The following PRELID2 variants were observed in gnomAD, a reference collection of about 807,000 sequenced individuals.
PRELID2 encodes PRELI domain containing 2.
Under a neutral mutation model 28.4 loss-of-function variants are expected in PRELID2, and 25 were observed. That is an observed-to-expected ratio of 0.88 (90% CI 0.64 to 1.23). The LOEUF is 1.23. Ranked by LOEUF, PRELID2 falls within the 50% of genes most tolerant of loss-of-function variation. The pLI is 0.00. For synonymous variants in PRELID2, 76 were observed against 71.6 expected (o/e 1.06, Z -0.31); for missense variants, 201 against 214.4 (o/e 0.94, Z 0.39).
the PRELID2 span, among the ~76,000 whole-genome samples, chr5:145,314,558 AT>A: frequency 5.2e-4 from 78 of 151,122 alleles, 1 homozygote; most frequent in South Asian, 4.2e-3. Flanking sequence ...AGGAACTTTT[AT>A]TTTTTTTTCC....
intron 1 of PRELID2, among the ~76,000 whole-genome samples, chr5:145,485,447 A>G (rs763291714): frequency 6.6e-6 from 1 of 152,228 alleles, no homozygotes; most frequent in Non-Finnish European, 1.5e-5. Flanking sequence ...AACTTGAGAT[A>G]ATCTTACCTA....
At chr5:145,422,330 G>T in the PRELID2 span, among the ~76,000 whole-genome samples, 1 of 151,886 alleles carries the variant, frequency 6.6e-6, no homozygotes, top group Admixed American at 6.6e-5. Context: ...GTTGACAGTG[G>T]GGTGTTAAAG....
At chr5:145,543,011 T>A (rs1034148448) in intron 1 of PRELID2, among the ~76,000 whole-genome samples, 1 of 152,072 alleles carries the variant, frequency 6.6e-6, no homozygotes, top group East Asian at 1.9e-4. Flanking sequence ...GTTAGCTTTT[T>A]CTTCCTGCTC....
At chr5:145,564,634 A>G (rs922571436) in intron 1 of PRELID2, among the ~76,000 whole-genome samples, 2 of 152,126 alleles carry the variant, frequency 1.3e-5, no homozygotes, top group Non-Finnish European at 1.5e-5. Flanking sequence ...CATTATTTAC[A>G]TGTTTGTTTT....
chr5:145,375,404 T>C, the PRELID2 span, among the ~76,000 whole-genome samples: 1 of 152,136 alleles, frequency 6.6e-6, no homozygotes, highest in Non-Finnish European at 1.5e-5. Context: ...AGTAGAATCA[T>C]TCCTGTATAG....
the PRELID2 span, among the ~76,000 whole-genome samples, chr5:145,393,709 C>T: frequency 6.6e-6 from 1 of 152,166 alleles, no homozygotes; most frequent in African/African-American, 2.4e-5. Flanking sequence ...ATATAACAAA[C>T]TATTTACACA....
At chr5:145,239,415 G>A in the PRELID2 span, among the ~76,000 whole-genome samples, 5 of 152,090 alleles carry the variant, frequency 3.3e-5, no homozygotes, top group African/African-American at 1.2e-4. Context: ...GACAATTACA[G>A]CACAGTATTC....
rs191966940 is a variant in PRELID2, at chr5:145,777,820, A to G, written c.475-12820T>C. Among the ~76,000 whole-genome samples, 91 of 152,268 alleles carry G rather than the reference A, an allele frequency of 6.0e-4. No homozygotes were observed. In the East Asian group the frequency reaches 0.016, roughly 26 times the overall value. On this transcript the variant is annotated intron_variant, in intron 5 of 6. Transcript: ENST00000683046. ...AGGCTTCCCTACACTCTTGGGGGCC[A>G]GGGGGTGGGAAGGGCCCCTGTGCAC...
chr5:145,377,549 T>C, the PRELID2 span, among the ~76,000 whole-genome samples: 1 of 152,222 alleles, frequency 6.6e-6, no homozygotes, highest in Non-Finnish European at 1.5e-5. Flanking sequence ...TGGTTGCTCC[T>C]GTGTTGGTTG....
At chr5:145,782,281 G>A (rs1191001989) in intron 5 of PRELID2, among the ~76,000 whole-genome samples, 1 of 152,208 alleles carries the variant, frequency 6.6e-6, no homozygotes. Context: ...GTGAATGGCG[G>A]TTGAGAGGAT....
the PRELID2 span, among the ~76,000 whole-genome samples, chr5:145,437,683 G>T: frequency 6.6e-6 from 1 of 152,114 alleles, no homozygotes; most frequent in Non-Finnish European, 1.5e-5. Flanking sequence ...AGAAAAATCT[G>T]GGAGGCCTGA....
At chr5:145,289,674 A>G in the PRELID2 span, among the ~76,000 whole-genome samples, 17 of 152,324 alleles carry the variant, frequency 1.1e-4, no homozygotes, top group Admixed American at 5.9e-4. Context: ...GAAATTGCCA[A>G]ATAGTGTTCT....
At chr5:145,520,149 C>T (rs897795789) in intron 1 of PRELID2, among the ~76,000 whole-genome samples, 4 of 152,076 alleles carry the variant, frequency 2.6e-5, no homozygotes, top group Non-Finnish European at 5.9e-5. Flanking sequence ...AACATTTTCC[C>T]GCTAAACCAA....
At chr5:145,797,779 T>C (rs1244547223) in intron 4 of PRELID2, among the ~76,000 whole-genome samples, 2 of 151,968 alleles carry the variant, frequency 1.3e-5, no homozygotes, top group South Asian at 2.1e-4. Context: ...GCTGTTTTTT[T>C]ATATACCCAA....
At chr5:145,229,051 G>A in the PRELID2 span, 3 of 1,596,672 alleles carry the variant, frequency 1.9e-6, no homozygotes, top group Admixed American at 5.0e-5. Flanking sequence ...ATCCAGTCCA[G>A]CGCACTGTAT....
chr5:145,643,938 C>T (rs1365304699), intron 1 of PRELID2, among the ~76,000 whole-genome samples: 1 of 152,062 alleles, frequency 6.6e-6, no homozygotes, highest in South Asian at 2.1e-4. Context: ...AGGATTTTTG[C>T]ATCTATATTC....
chr5:145,510,810 C>T (rs1453465363), intron 1 of PRELID2, among the ~76,000 whole-genome samples: 1 of 152,230 alleles, frequency 6.6e-6, no homozygotes, highest in African/African-American at 2.4e-5. Flanking sequence ...ATCTAATCTT[C>T]AGCCTGAGGT....
At chr5:145,825,225 CAAAAAAAAAAAAAAA>C (rs56818178) in intron 1 of PRELID2, among the ~76,000 whole-genome samples, 66 of 60,434 alleles carry the variant, frequency 1.1e-3, no homozygotes, top group Middle Eastern at 0.023. Flanking sequence ...GACTCTGTCT[CAAAAAAAAAAAAAAA>C]AAAAAAAAAA....
At chr5:145,564,463 G>A (rs1468196935) in intron 1 of PRELID2, among the ~76,000 whole-genome samples, 1 of 152,100 alleles carries the variant, frequency 6.6e-6, no homozygotes, top group Non-Finnish European at 1.5e-5. Flanking sequence ...TAGGATGCTT[G>A]TCCTGAACTC....
Sources: allele counts gnomAD v4.1 joint callset (sites outside exome capture counted in the v4.1 genomes callset), GRCh38; gene constraint gnomAD v4.1.1; transcripts MANE v1.5; gene names NCBI Gene and HGNC (gene_info 2026-07-23, HGNC 2026-07-21).